KCNIP4: variants seen among roughly 807,000 people sequenced by gnomAD.
The protein encoded by KCNIP4 is potassium voltage-gated channel interacting protein 4.
A neutral mutation model predicts 34.0 loss-of-function variants in KCNIP4; 12 were observed. The ratio of observed to expected loss-of-function variants is 0.35; its 90% CI spans 0.23 to 0.57. The LOEUF is 0.57. Among genes scored for constraint, KCNIP4 ranks in the 20% least tolerant of loss-of-function variants. The pLI is 0.83. For missense variants in KCNIP4, 238 were observed against 311.7 expected, an observed-to-expected ratio of 0.76 and a Z score of 1.78; for synonymous variants, 124 against 102.2, an observed-to-expected ratio of 1.21 and a Z score of -1.29.
chr4:20,864,059 C>CATATGT (rs1486988516), intron 2 of KCNIP4, among the ~76,000 whole-genome samples: 2 of 127,856 alleles, frequency 1.6e-5, no homozygotes, highest in Non-Finnish European at 3.3e-5. Flanking sequence ...TATGTATACA[C>CATATGT]ATGTATGTAT....
At chr4:21,368,588 T>C (rs1720030639) in intron 1 of KCNIP4, among the ~76,000 whole-genome samples, 1 of 147,318 alleles carries the variant, frequency 6.8e-6, no homozygotes, top group Non-Finnish European at 1.5e-5. Context: ...TGCCCAAGGT[T>C]ACACAAATAC....
chr4:20,797,661 A>T (rs1350363873), intron 3 of KCNIP4, among the ~76,000 whole-genome samples: 1 of 152,188 alleles, frequency 6.6e-6, no homozygotes, highest in Non-Finnish European at 1.5e-5. Flanking sequence ...AAGCAGGAAA[A>T]GAATTTGCAT....
At chr4:20,998,219 A>G (rs142001099) in intron 1 of KCNIP4, among the ~76,000 whole-genome samples, 294 of 152,336 alleles carry the variant, frequency 1.9e-3, no homozygotes, top group African/African-American at 6.8e-3. Flanking sequence ...AGGAGAACCT[A>G]GAAAGTAATG....
chr4:21,728,992 T>C (rs1715396412), intron 1 of KCNIP4, among the ~76,000 whole-genome samples: 3 of 152,214 alleles, frequency 2.0e-5, no homozygotes. Context: ...CGTGTGAGCA[T>C]GCACACATGC....
intron 1 of KCNIP4, chr4:21,845,563 T>C (rs1723964244): frequency 6.6e-6 from 1 of 152,052 alleles, no homozygotes; most frequent in East Asian, 1.9e-4. Flanking sequence ...TTTTTAAGTG[T>C]TTACCTACTT....
At chr4:21,130,509 T>C (rs931284937) in intron 1 of KCNIP4, among the ~76,000 whole-genome samples, 5 of 152,206 alleles carry the variant, frequency 3.3e-5, no homozygotes, top group African/African-American at 1.2e-4. Flanking sequence ...TTCATGCTAA[T>C]CCACAATAGA....
intron 1 of KCNIP4, among the ~76,000 whole-genome samples, chr4:21,469,978 T>C (rs1001670083): frequency 2.6e-5 from 4 of 152,220 alleles, no homozygotes; most frequent in Non-Finnish European, 5.9e-5. Context: ...GTTTTGCGCT[T>C]TTCTGTTAAC....
At chr4:21,581,431 A>C (rs1741190545) in intron 1 of KCNIP4, among the ~76,000 whole-genome samples, 1 of 151,854 alleles carries the variant, frequency 6.6e-6, no homozygotes, top group Admixed American at 6.6e-5. Context: ...ATTCGGGGGG[A>C]GGTAAAGAAG....
At chr4:20,919,564 G>C (rs192815942) in intron 1 of KCNIP4, among the ~76,000 whole-genome samples, 1,679 of 151,890 alleles carry the variant, frequency 0.011, 33 homozygotes, top group African/African-American at 0.038. Flanking sequence ...TTAGCTGGGC[G>C]TGGTGGCGGG....
chr4:21,392,409 A>T (rs1020140913), intron 1 of KCNIP4, among the ~76,000 whole-genome samples: 1 of 152,190 alleles, frequency 6.6e-6, no homozygotes, highest in Non-Finnish European at 1.5e-5. Context: ...AACTATAAAG[A>T]TTCTGTTTTA....
intron 1 of KCNIP4, among the ~76,000 whole-genome samples, chr4:21,494,993 A>T (rs373626046): frequency 3.3e-5 from 5 of 152,162 alleles, no homozygotes; most frequent in Middle Eastern, 3.2e-3. Flanking sequence ...AGAAAAAAAG[A>T]TAACCAAAGA....
At chr4:21,030,558 C>A (rs887971666) in intron 1 of KCNIP4, among the ~76,000 whole-genome samples, 1 of 152,092 alleles carries the variant, frequency 6.6e-6, no homozygotes, top group Non-Finnish European at 1.5e-5. Context: ...ATGTTGGGGA[C>A]CACTGATCTA....
At chr4:21,028,355 C>T (rs950423663) in intron 1 of KCNIP4, among the ~76,000 whole-genome samples, 10 of 152,160 alleles carry the variant, frequency 6.6e-5, no homozygotes, top group Admixed American at 3.9e-4. Flanking sequence ...CAAAACTCTC[C>T]AACAGCCTCT....
At chr4:21,019,738 C>G (rs191872190) in intron 1 of KCNIP4, among the ~76,000 whole-genome samples, 36 of 152,032 alleles carry the variant, frequency 2.4e-4, no homozygotes, top group African/African-American at 5.5e-4. Flanking sequence ...AAAAAAAATC[C>G]TCCCAATTTA....
chr4:21,117,616 G>A (rs77219537), intron 1 of KCNIP4, among the ~76,000 whole-genome samples: 21,781 of 152,130 alleles, frequency 0.14, 1,765 homozygotes, highest in East Asian at 0.23. Context: ...AACAGATTCC[G>A]TAAATGACCA....
chr4:21,140,440 C>T (rs568491702), intron 1 of KCNIP4, among the ~76,000 whole-genome samples: 76 of 152,220 alleles, frequency 5.0e-4, no homozygotes, highest in Middle Eastern at 3.4e-3. Flanking sequence ...GTTTAGAGTA[C>T]TTAATTAACT....
chr4:21,470,219 GC>G lies in KCNIP4; in HGVS notation c.61+478351del, dbSNP rs1285628613. Among the ~76,000 whole-genome samples, 4 of 152,240 alleles carry G rather than the reference GC, an allele frequency of 2.6e-5. No individual in the cohort carries two copies. In the East Asian group the frequency reaches 7.7e-4, roughly 29 times the overall value. ...AAAGGAGGCAAGAGATTAGCAAAAAGCAGGCTGTATAATGACTAGTCTGGAG... is the reference window on the plus strand; with the variant it reads ...AAAGGAGGCAAGAGATTAGCAAAAAGAGGCTGTATAATGACTAGTCTGGAG... On this transcript the variant is annotated intron_variant, in intron 1 of 8. Coordinates refer to ENST00000382152, the MANE Select transcript of KCNIP4 (RefSeq NM_025221.6).
At position 21,375,726 on chromosome 4, in the gene KCNIP4, C is replaced by T. The variant is rs368223851; in HGVS notation, c.62-493017G>A. 2.0e-4 allele frequency among the ~76,000 whole-genome samples: 30 copies of T among 152,162 alleles called. No individual in the cohort carries two copies. In the East Asian group the frequency reaches 5.6e-3, roughly 29 times the overall value. On this transcript the variant is annotated intron_variant, in intron 1 of 8. Coordinates refer to ENST00000382152, the MANE Select transcript of KCNIP4 (RefSeq NM_025221.6). Reference sequence around the variant, plus strand: ...GGACTACAGGCGCCTGCCACCACGCCCAGCTAATTTTTTTTGTATTTTTAG... The same window carrying T: ...GGACTACAGGCGCCTGCCACCACGCTCAGCTAATTTTTTTTGTATTTTTAG...
chr4:21,255,954 C>T (rs915739584), intron 1 of KCNIP4, among the ~76,000 whole-genome samples: 4 of 152,004 alleles, frequency 2.6e-5, no homozygotes, highest in African/African-American at 7.3e-5. Context: ...AAACAGTGAA[C>T]CAGTCTGAAT....
Sources: gnomAD v4.1 joint callset for allele counts (sites outside exome capture counted in the v4.1 genomes callset) on GRCh38, gnomAD v4.1.1 for gene constraint, MANE v1.5 for transcripts, NCBI Gene and HGNC (gene_info 2026-07-23, HGNC 2026-07-21) for gene names.